Variants in ABCB1 observed in about 807,000 individuals in gnomAD.
ABCB1 encodes the protein ATP-dependent translocase ABCB1.
In ABCB1, 69 loss-of-function variants were observed where a neutral mutation model predicts 142.0. That is an observed-to-expected ratio of 0.49 (90% CI 0.40 to 0.59). The LOEUF (loss-of-function observed/expected upper bound fraction) is 0.59, where lower values mean the gene tolerates loss of function less well. Among genes scored for constraint, ABCB1 ranks in the 20% least tolerant of loss-of-function variants. The pLI, the probability that ABCB1 is intolerant of heterozygous loss-of-function variation, is 0.00. For missense variants in ABCB1, 1,326 were observed against 1,554.7 expected (o/e 0.85, Z 2.47); for synonymous variants, 532 against 539.2 (o/e 0.99, Z 0.18).
chr7:87,679,123 C>T (rs1201587329), intron 1 of ABCB1, among the ~76,000 whole-genome samples: 1 of 133,236 alleles, frequency 7.5e-6, no homozygotes, highest in African/African-American at 3.0e-5. Flanking sequence ...GACAGAGTCC[C>T]GCTCTTTCCC....
At chr7:87,644,387 C>T (rs1307274133) in intron 1 of ABCB1, among the ~76,000 whole-genome samples, 1 of 152,192 alleles carries the variant, frequency 6.6e-6, no homozygotes, top group African/African-American at 2.4e-5. Context: ...TACCTCACCC[C>T]TGTGTTAGAG....
chr7:87,667,280 G>A (rs912867032), intron 1 of ABCB1, among the ~76,000 whole-genome samples: 1 of 151,914 alleles, frequency 6.6e-6, no homozygotes, highest in Middle Eastern at 3.2e-3. Flanking sequence ...TGATTTGGCT[G>A]TAAGTTTGGC....
chr7:87,568,266 T>TAATAATAATAATAATAA (rs377151956), intron 5 of ABCB1, among the ~76,000 whole-genome samples: 3,518 of 145,536 alleles, frequency 0.024, 68 homozygotes, highest in Non-Finnish European at 0.03. Flanking sequence ...ATAATAATAA[T>TAATAATAATAATAATAA]AAAAATTAGC....
chr7:87,650,758 T>A, intron 1 of ABCB1: 1 of 996,244 alleles, frequency 1.0e-6, no homozygotes. Context: ...CTTCCTCCCA[T>A]TTTTTTCATA....
At chr7:87,553,099 T>G (rs1016583732) in intron 9 of ABCB1, among the ~76,000 whole-genome samples, 1 of 151,898 alleles carries the variant, frequency 6.6e-6, no homozygotes, top group African/African-American at 2.4e-5. Flanking sequence ...TCAAAATGTG[T>G]ATTTTGCCAT....
intron 1 of ABCB1, among the ~76,000 whole-genome samples, chr7:87,618,893 G>A (rs759430943): frequency 2.4e-4 from 36 of 152,084 alleles, no homozygotes; most frequent in Middle Eastern, 3.2e-3. Flanking sequence ...AAAGCCAGCC[G>A]GAAATCAGGG....
In ABCB1 at chr7:87,558,508, T is replaced by C. The variant is rs368812843; in HGVS notation, c.827+2755A>G. On this transcript the variant is annotated intron_variant, in intron 8 of 27. Transcript: ENST00000622132. ...TCCTATTTTCCAATACTTACTGTTT[T>C]TCTTTTTCGTTTTCTTTTTTTCATT... 3.9e-5 allele frequency among the ~76,000 whole-genome samples: 6 copies of C among 152,316 alleles called. No individual in the cohort carries two copies. In the South Asian group the frequency reaches 1.2e-3, roughly 32 times the overall value.
intron 1 of ABCB1, among the ~76,000 whole-genome samples, chr7:87,638,951 G>C (rs934650473): frequency 6.6e-6 from 1 of 152,074 alleles, no homozygotes; most frequent in Non-Finnish European, 1.5e-5. Context: ...AGGAGATCGA[G>C]ACTATCCTGG....
chr7:87,638,691 A>G (rs1208740928), intron 1 of ABCB1, among the ~76,000 whole-genome samples: 1 of 150,024 alleles, frequency 6.7e-6, no homozygotes, highest in African/African-American at 2.5e-5. Flanking sequence ...GTGATTTCCC[A>G]TTTTTCTTTC....
At chr7:87,511,527 A>C (rs1815007971) in intron 25 of ABCB1, among the ~76,000 whole-genome samples, 1 of 152,228 alleles carries the variant, frequency 6.6e-6, no homozygotes, top group African/African-American at 2.4e-5. Context: ...AAGCACTGAC[A>C]ACGTTGTAGG....
At chr7:87,643,835 G>A (rs1323615452) in intron 1 of ABCB1, among the ~76,000 whole-genome samples, 1 of 150,460 alleles carries the variant, frequency 6.6e-6, no homozygotes, top group Non-Finnish European at 1.5e-5. Flanking sequence ...CCAAGAATTC[G>A]CAAGTTGCAT....
chr7:87,578,190 T>A (rs1024964525), intron 4 of ABCB1, among the ~76,000 whole-genome samples: 2 of 152,238 alleles, frequency 1.3e-5, no homozygotes, highest in Non-Finnish European at 2.9e-5. Context: ...TTTTCCCCAA[T>A]ATACATTCTT....
intron 3 of ABCB1, among the ~76,000 whole-genome samples, chr7:87,591,872 G>A (rs559022994): frequency 2.0e-5 from 3 of 152,326 alleles, no homozygotes; most frequent in Non-Finnish European, 4.4e-5. Context: ...CCTGTGATAA[G>A]GGGTTGAGGA....
At chr7:87,628,580 CGTGCGTGTGTGTGTGTGTGTGT>C in intron 1 of ABCB1, 1 of 292,816 alleles carries the variant, frequency 3.4e-6, no homozygotes, top group Non-Finnish European at 5.8e-6. Context: ...GTGGTGCGTG[CGTGCGTGTGTGTGTGTGTGTGT>C]GTGTGTGTGT....
chr7:87,555,516 A>G (rs760273580), intron 8 of ABCB1, among the ~76,000 whole-genome samples: 6 of 152,178 alleles, frequency 3.9e-5, no homozygotes, highest in Non-Finnish European at 7.4e-5. Flanking sequence ...TACTTTAACT[A>G]GGTACATTAC....
chr7:87,516,529 T>G lies in ABCB1; in HGVS notation c.3064A>C (p.Ser1022Arg), dbSNP rs1386411918. ...IEKTPLIDSY[S>R]TEGLMPNTLE... ...CTCACCGGCATTAGGCCTTCCGTGC[T>G]GTAGCTGTCAATCAAAGGGGTTTTT... Residue 1022 changes from serine to arginine, a missense_variant, in exon 24 of 28, where the codon AGC (serine) becomes CGC (arginine). By Grantham distance (110) the Ser-to-Arg change is moderately radical. Coordinates refer to ENST00000622132, the MANE Select transcript of ABCB1 (RefSeq NM_001348946.2). 3 of 1,614,224 alleles carry G rather than the reference T, an allele frequency of 1.9e-6. No homozygotes were observed. The highest frequency in any genetic ancestry group is 2.2e-5 in the East Asian group (1 of 44,888).
intron 1 of ABCB1, among the ~76,000 whole-genome samples, chr7:87,693,455 A>G (rs1289266442): frequency 1.3e-5 from 2 of 152,176 alleles, no homozygotes; most frequent in Non-Finnish European, 1.5e-5. Context: ...ATGTGTATTT[A>G]TTTTTAAACT....
chr7:87,539,385 A>G, intron 18 of ABCB1, 40 bp from the exon 19 acceptor site: 1 of 1,580,132 alleles, frequency 6.3e-7, no homozygotes, highest in Non-Finnish European at 8.7e-7. Flanking sequence ...CCCAGCCACC[A>G]TTTAAATAAA....
intron 1 of ABCB1, among the ~76,000 whole-genome samples, chr7:87,614,744 T>C (rs1220720112): frequency 6.6e-6 from 1 of 152,208 alleles, no homozygotes; most frequent in Non-Finnish European, 1.5e-5. Context: ...CCTGCTAATA[T>C]CCAGTTTAAT....
Sources: allele counts gnomAD v4.1 joint callset (sites outside exome capture counted in the v4.1 genomes callset), GRCh38; gene constraint gnomAD v4.1.1; transcripts MANE v1.5; gene names NCBI Gene and HGNC (gene_info 2026-07-23, HGNC 2026-07-21).